ZNF311: variants seen among roughly 807,000 people sequenced by gnomAD.
ZNF311 encodes the protein zinc finger protein 311.
A neutral mutation model predicts 22.7 loss-of-function variants in ZNF311; 14 were observed. The observed-to-expected ratio is 0.62, with a 90% CI of 0.41 to 0.96. ZNF311 has a LOEUF of 0.96. Among genes scored for constraint, ZNF311 ranks in the 40% least tolerant of loss-of-function variants. The pLI, the probability that ZNF311 is intolerant of heterozygous loss-of-function variation, is 0.00. For synonymous variants in ZNF311, 250 were observed against 275.3 expected, an observed-to-expected ratio of 0.91 and a Z score of 0.91; for missense variants, 731 against 799.0, an observed-to-expected ratio of 0.91 and a Z score of 1.03.
rs992534224 is a variant in ZNF311 at position 28,995,395 on chromosome 6, A to G, written c.1607T>C (p.Phe536Ser). ...ATTGGTCAAGTTTGACTTCCCACTG[A>G]AAGCTTTCCCACACTCTAAACATTT... is the stretch of plus-strand genomic sequence containing the variant. ...PYKCLECGKA[F>S]SGKSNLTNHR... The change falls in exon 7 of 7, where the codon TTC (phenylalanine) becomes TCC (serine). Residue 536 changes from phenylalanine to serine, a missense_variant. Coordinates refer to ENST00000377179, the MANE Select transcript of ZNF311 (RefSeq NM_001382360.1). The surrounding 1 kb of genome is among the most constrained non-coding windows in gnomAD (Gnocchi z 4.7). 1.2e-6 allele frequency: 2 copies of G among 1,614,128 alleles called. No homozygotes were observed. The highest frequency in any genetic ancestry group is 3.3e-5 in the Admixed American group (2 of 60,024).
At chr6:29,002,620 A>ATTTTT (rs35452431) in intron 3 of ZNF311, among the ~76,000 whole-genome samples, 1 of 132,852 alleles carries the variant, frequency 7.5e-6, no homozygotes, top group East Asian at 2.2e-4. Flanking sequence ...TCCAACAGCA[A>ATTTTT]TTTTTTTTTT....
At chr6:28,996,890 T>G (rs1271229624) in intron 6 of ZNF311, among the ~76,000 whole-genome samples, 1 of 152,224 alleles carries the variant, frequency 6.6e-6, no homozygotes, top group African/African-American at 2.4e-5. Flanking sequence ...CTGTCTCCCT[T>G]GTATTTACCC....
chr6:29,005,473 G>A (rs1030450555), upstream of ZNF311, among the ~76,000 whole-genome samples: 1 of 152,014 alleles, frequency 6.6e-6, no homozygotes, highest in Non-Finnish European at 1.5e-5. Flanking sequence ...TGCAACCCCA[G>A]GGGCCCGGGT....
chr6:29,003,933 C>A lies in ZNF311; in HGVS notation c.9+13G>T. 6.2e-7 allele frequency: 1 copy of A among 1,612,846 alleles called. No individual in the cohort carries two copies. Among genetic ancestry groups the A allele is most frequent in the South Asian group, 1.1e-5 (1 of 91,074 alleles). On this transcript the variant is annotated intron_variant, in intron 2 of 6. Coordinates refer to ENST00000377179, the MANE Select transcript of ZNF311 (RefSeq NM_001382360.1). ...TCCTCCTTGTGATGTATCACAGACC[C>A]TCCTCTTCTTACCTCCTGCATCTTT...
intron 3 of ZNF311, 37 bp downstream of exon 3, chr6:29,003,476 T>G (rs1222011443): frequency 6.2e-7 from 1 of 1,602,610 alleles, no homozygotes. Flanking sequence ...CATTCTCAGC[T>G]GCCGTGACTC....
rs763396858 is a variant in ZNF311, at chr6:28,996,029, G to A, written c.973C>T (p.His325Tyr). ...RSALCRHKKT[H>Y]SGEKPHECRD... ...CACTCGTGAGGCTTCTCCCCACTGTGGGTTTTTTTATGTCGGCAAAGAGCT... is the reference window on the plus strand; with the variant it reads ...CACTCGTGAGGCTTCTCCCCACTGTAGGTTTTTTTATGTCGGCAAAGAGCT... Residue 325 changes from histidine (H) to tyrosine (Y), a missense_variant, in exon 7 of 7, where the codon CAC becomes TAC. His to Tyr is a moderately conservative substitution (Grantham distance 83). Coordinates refer to ENST00000377179, the MANE Select transcript of ZNF311 (RefSeq NM_001382360.1). 1.2e-6 allele frequency: 2 copies of A among 1,613,520 alleles called. No homozygotes were observed. The highest frequency in any genetic ancestry group is 1.7e-6 in the Non-Finnish European group (2 of 1,180,044).
chr6:28,995,055 G>C lies in ZNF311; in HGVS notation c.1947C>G (p.Leu649=). 6.2e-7 allele frequency: 1 copy of C among 1,613,378 alleles called. No homozygotes were observed. Among genetic ancestry groups the C allele is most frequent in the African/African-American group, 1.3e-5 (1 of 75,040 alleles). ...THELDGSRKS[L]SPVTVSQTSV... ...AGGTCTGAGAAACAGTCACTGGAGA[G>C]AGGGATTTCCTACTCCCATCAAGTT... Residue 649 remains leucine, a synonymous_variant, in exon 7 of 7, where the codon CTC becomes CTG. Transcript: ENST00000377179. This position sits in a 1 kb window ranked among gnomAD's most constrained non-coding sequence, Gnocchi z 4.7.
In ZNF311 at chr6:29,004,047, TC is replaced by T; in HGVS notation, c.-94del. 6.2e-7 allele frequency: 1 copy of T among 1,612,416 alleles called. No homozygotes were observed. Among genetic ancestry groups the T allele is most frequent in the East Asian group, 2.2e-5 (1 of 44,882 alleles). ...GTTCTCAAACAAGCTGTGAAGTGGC[TC>T]CAGTTGATGCCAGCCTCCTTTGGAG... On this transcript the variant is annotated 5_prime_UTR_variant, in exon 2 of 7. An upstream open reading frame in the 5' UTR loses its in-frame stop. Coordinates refer to ENST00000377179, the MANE Select transcript of ZNF311 (RefSeq NM_001382360.1).
chr6:28,995,324 A>C lies in ZNF311; in HGVS notation c.1678T>G (p.Cys560Gly). 6.2e-7 allele frequency: 1 copy of C among 1,614,014 alleles called. No individual in the cohort carries two copies. The highest frequency in any genetic ancestry group is 8.5e-7 in the Non-Finnish European group (1 of 1,180,034). The change falls in exon 7 of 7, where the codon TGT (cysteine) becomes GGT (glycine). Residue 560 changes from cysteine (C) to glycine (G), a missense_variant. Transcript: ENST00000377179. This position sits in a 1 kb window ranked among gnomAD's most constrained non-coding sequence, Gnocchi z 4.7. ...GAACTATGATGGAAGGCCATTCCAC[A>C]TACCTCACATTTGTGAGGCTTCTCT... ...TGEKPHKCEV[C>G]GMAFHHSSVL...
chr6:29,003,055 C>A (rs1780672937), intron 3 of ZNF311, among the ~76,000 whole-genome samples: 1 of 152,164 alleles, frequency 6.6e-6, no homozygotes, highest in Non-Finnish European at 1.5e-5. Flanking sequence ...GATATCTATA[C>A]ATCATTTAAA....
intron 6 of ZNF311, among the ~76,000 whole-genome samples, chr6:28,996,857 A>G (rs1779676861): frequency 6.6e-6 from 1 of 152,254 alleles, no homozygotes; most frequent in Non-Finnish European, 1.5e-5. Flanking sequence ...CATCTAAGCC[A>G]CAAAACAAAA....
In ZNF311 at chr6:28,995,216, A is replaced by G. The variant is rs1382055922; in HGVS notation, c.1786T>C (p.Ser596Pro). The stretch of plus-strand genomic sequence containing the variant: ...ACTCGCTTATGTCCAATCAGAGCTG[A>G]GCCCTGACGGAAGGACGTGCCACAC... Reference protein sequence around the residue: ...SECGTSFRQGSALIGHKRVHT... With the variant: ...SECGTSFRQGPALIGHKRVHT... The change falls in exon 7 of 7, where the codon TCA (serine) becomes CCA (proline). Residue 596 changes from serine to proline, a missense_variant. Transcript: ENST00000377179. The surrounding 1 kb of genome is among the most constrained non-coding windows in gnomAD (Gnocchi z 4.7). 3.1e-6 allele frequency: 5 copies of G among 1,614,094 alleles called. No individual in the cohort carries two copies. The highest frequency in any genetic ancestry group is 2.5e-6 in the Non-Finnish European group (3 of 1,180,044).
rs1389105416 is a variant in ZNF311 at position 28,999,490 on chromosome 6, G to C, written c.307C>G (p.Leu103Val). The change falls in exon 5 of 7, where the codon CTT (leucine) becomes GTT (valine). Residue 103 changes from leucine to valine, a missense_variant. Coordinates refer to ENST00000377179, the MANE Select transcript of ZNF311 (RefSeq NM_001382360.1). The stretch of plus-strand genomic sequence containing the variant: ...TAAGTGTAGGGAAGGTCCTTACCAA[G>C]TGATACCATGTTCCCATAATTTTCC... ...MLENYGNMVS[L>V]GFPFPKPPLI... is the part of the protein sequence containing the mutation. 6.2e-7 allele frequency: 1 copy of C among 1,609,322 alleles called. No individual in the cohort carries two copies. The highest frequency in any genetic ancestry group is 8.5e-7 in the Non-Finnish European group (1 of 1,178,684).
intron 3 of ZNF311, among the ~76,000 whole-genome samples, chr6:29,000,785 T>G (rs2150704311): frequency 6.6e-6 from 1 of 152,016 alleles, no homozygotes; most frequent in East Asian, 1.9e-4. Flanking sequence ...TTTCTTTTTT[T>G]TTTTTTGAGA....
rs1779519511 is a variant in ZNF311, at chr6:28,996,041, G to A, written c.961C>T (p.His321Tyr). The A allele has an allele frequency of 6.2e-7, 1 of 1,613,330 alleles. No individual in the cohort carries two copies. Reference protein sequence around the residue: ...AFNSRSALCRHKKTHSGEKPH... With the variant: ...AFNSRSALCRYKKTHSGEKPH... ...TTCTCCCCACTGTGGGTTTTTTTAT[G>A]TCGGCAAAGAGCTGATCTACTGTTG... The change falls in exon 7 of 7, where the codon CAT becomes TAT. Residue 321 changes from histidine (H) to tyrosine (Y), a missense_variant. Physicochemically the swap from His to Tyr is moderately conservative, Grantham distance 83. Coordinates refer to ENST00000377179, the MANE Select transcript of ZNF311 (RefSeq NM_001382360.1).
chr6:29,005,316 C>CA (rs9280532), upstream of ZNF311: 34,464 of 96,422 alleles, frequency 0.36, 5,169 homozygotes, highest in East Asian at 0.55. Context: ...ACTCCGGTCT[C>CA]AAAAAAAAAA....
intron 1 of ZNF311, 71 bp from the exon 2 acceptor site, chr6:29,004,285 G>A: frequency 8.7e-7 from 1 of 1,154,438 alleles, no homozygotes; most frequent in Non-Finnish European, 1.1e-6. Context: ...AGAACCTGAG[G>A]CACGAAGTCA....
rs138815750 is a variant in ZNF311 at position 29,004,078 on chromosome 6, CAT to C, written c.-126_-125del. ...TGATGCCAGCCTCCTTTGGAGAACA[CAT>C]GTTTTGGTGGTGCCAGCCAAAGGGC... On this transcript the variant is annotated 5_prime_UTR_variant, in exon 2 of 7. An upstream start codon of the reference 5' UTR is lost. Coordinates refer to ENST00000377179, the MANE Select transcript of ZNF311 (RefSeq NM_001382360.1). 1,387 of 1,604,218 alleles carry C rather than the reference CAT, an allele frequency of 8.6e-4. 4 individuals carry two copies. In the African/African-American group the frequency reaches 0.011, roughly 12 times the overall value.
Position 28,996,119 on chromosome 6 carries a change from T to G in ZNF311, c.883A>C (p.Ile295Leu). 6.2e-7 allele frequency: 1 copy of G among 1,613,364 alleles called. No homozygotes were observed. The highest frequency in any genetic ancestry group is 1.1e-5 in the South Asian group (1 of 91,062). ...KTRNQLSMHR[I>L]IHTGEKPFNC... ...AAAGGTTTCTCCCCTGTGTGGATTA[T>G]CCGGTGCATAGAAAGCTGATTTCTG... The change falls in exon 7 of 7, where the codon ATA becomes CTA. Residue 295 changes from isoleucine (I) to leucine (L), a missense_variant. By Grantham distance (5) the Ile-to-Leu change is conservative (BLOSUM62 2). Coordinates refer to ENST00000377179, the MANE Select transcript of ZNF311 (RefSeq NM_001382360.1).
Sources: allele counts gnomAD v4.1 joint callset (sites outside exome capture counted in the v4.1 genomes callset), GRCh38; gene constraint gnomAD v4.1.1; non-coding constraint Gnocchi (gnomAD v3.1); transcripts MANE v1.5; gene names NCBI Gene and HGNC (gene_info 2026-07-23, HGNC 2026-07-21).